PRKCH: variants seen among roughly 807,000 people sequenced by gnomAD.
PRKCH encodes the protein protein kinase C eta type.
PRKCH carries 28 observed loss-of-function variants against 82.5 expected under a neutral mutation model. That is an observed-to-expected ratio of 0.34 (90% CI 0.25 to 0.47). The LOEUF (loss-of-function observed/expected upper bound fraction) is 0.47, where lower values mean the gene tolerates loss of function less well. Ranked by LOEUF, PRKCH falls within the 20% of genes least tolerant of loss-of-function variation. The probability of loss-of-function intolerance (pLI) is 1.00; values close to 1 mark genes in which losing one functional copy is unlikely to be tolerated. For synonymous variants in PRKCH, 322 were observed against 327.4 expected (o/e 0.98, Z 0.18); for missense variants, 705 against 881.8 (o/e 0.80, Z 2.54).
rs149033552 is a variant in PRKCH, at chr14:61,210,824, G to A, written c.-19+23156G>A. On this transcript the variant is annotated intron_variant, in intron 1 of 3. Transcript: ENST00000555185. Reference sequence around the variant, plus strand: ...TGTGTGTGTGTGTGTGCGTGCACGCGTGCATTCCATATTGCCTGGGTTGAA... The same window carrying A: ...TGTGTGTGTGTGTGTGCGTGCACGCATGCATTCCATATTGCCTGGGTTGAA... Among the ~76,000 whole-genome samples, 63 of 151,714 alleles carry A rather than the reference G, an allele frequency of 4.2e-4. No individual in the cohort carries two copies. The East Asian group carries it at 0.012, about 28-fold the overall frequency.
intron 10 of PRKCH, 109 bp from the exon 11 acceptor site, chr14:61,528,966 G>T: frequency 9.3e-7 from 1 of 1,076,252 alleles, no homozygotes; most frequent in South Asian, 1.8e-5. Context: ...GGCCGCATGT[G>T]GCCGCACGTG....
intron 1 of PRKCH, among the ~76,000 whole-genome samples, chr14:61,312,733 A>G (rs992208622): frequency 1.3e-5 from 2 of 152,058 alleles, no homozygotes; most frequent in African/African-American, 2.4e-5. Flanking sequence ...ATTATTCACC[A>G]TCACAAGAAC....
intron 9 of PRKCH, among the ~76,000 whole-genome samples, chr14:61,468,592 A>G (rs1413606931): frequency 2.0e-5 from 3 of 152,200 alleles, no homozygotes; most frequent in Non-Finnish European, 4.4e-5. Context: ...GAGAACCTGA[A>G]GTTCAAGCTG....
At chr14:61,332,597 GA>G (rs2045804569) in intron 1 of PRKCH, among the ~76,000 whole-genome samples, 1 of 152,146 alleles carries the variant, frequency 6.6e-6, no homozygotes, top group Non-Finnish European at 1.5e-5. Flanking sequence ...AAAAAATTAA[GA>G]AATTTGCCAG....
intron 1 of PRKCH, among the ~76,000 whole-genome samples, chr14:61,370,495 C>T (rs183805866): frequency 6.6e-6 from 1 of 152,074 alleles, no homozygotes; most frequent in Admixed American, 6.5e-5. Flanking sequence ...AGGTTTAGCA[C>T]TGGGTAGAAA....
chr14:61,534,735 G>A (rs1594793204), intron 12 of PRKCH, among the ~76,000 whole-genome samples: 1 of 148,134 alleles, frequency 6.8e-6, no homozygotes, highest in South Asian at 2.1e-4. Context: ...AGAGATGAAG[G>A]GACTTTACAT....
At chr14:61,470,174 C>T (rs967617733) in intron 9 of PRKCH, among the ~76,000 whole-genome samples, 1 of 151,696 alleles carries the variant, frequency 6.6e-6, no homozygotes, top group African/African-American at 2.4e-5. Flanking sequence ...AGTGAGATTA[C>T]TGGGGGGAGG....
chr14:61,482,237 T>A (rs1364638322), intron 9 of PRKCH, among the ~76,000 whole-genome samples: 1 of 152,188 alleles, frequency 6.6e-6, no homozygotes, highest in Admixed American at 6.5e-5. Flanking sequence ...CCTCGAGTGA[T>A]CTGCCCGCCT....
chr14:61,549,598 A>C (rs922275377), intron 13 of PRKCH, 87 bp from the exon 14 acceptor site: 1 of 1,438,498 alleles, frequency 7.0e-7, no homozygotes, highest in Admixed American at 1.9e-5. Context: ...ACTCCTCTGA[A>C]CTCACTGGAA....
intron 2 of PRKCH, among the ~76,000 whole-genome samples, chr14:61,433,870 G>C (rs939377805): frequency 2.0e-5 from 3 of 152,164 alleles, no homozygotes; most frequent in African/African-American, 7.2e-5. Flanking sequence ...GATTTTCAGT[G>C]ATTATTGATG....
At chr14:61,399,828 A>G (rs1881501827) in intron 2 of PRKCH, among the ~76,000 whole-genome samples, 1 of 152,196 alleles carries the variant, frequency 6.6e-6, no homozygotes, top group African/African-American at 2.4e-5. Context: ...TTTTTGGGGA[A>G]GGAAAACTTC....
chr14:61,373,169 A>C (rs749775503), intron 1 of PRKCH, among the ~76,000 whole-genome samples: 1 of 151,974 alleles, frequency 6.6e-6, no homozygotes, highest in Non-Finnish European at 1.5e-5. Context: ...GTCTGTTCTC[A>C]CACTGCTATA....
chr14:61,449,082 G>A (rs551299721), intron 4 of PRKCH, 82 bp from the exon 5 acceptor site: 2 of 1,323,432 alleles, frequency 1.5e-6, no homozygotes, highest in South Asian at 2.4e-5. Context: ...TGTTGGCACG[G>A]TGCAGCCCTG....
At chr14:61,336,875 C>A (rs943264248) in intron 1 of PRKCH, among the ~76,000 whole-genome samples, 1 of 151,896 alleles carries the variant, frequency 6.6e-6, no homozygotes, top group Non-Finnish European at 1.5e-5. Context: ...TCGAGACCAA[C>A]CTAGCCAGCA....
chr14:61,331,386 G>C (rs2045785876), intron 1 of PRKCH, among the ~76,000 whole-genome samples: 2 of 152,140 alleles, frequency 1.3e-5, no homozygotes, highest in African/African-American at 4.8e-5. Flanking sequence ...TGGTATGGTG[G>C]TGTGCACCTG....
chr14:61,318,950 C>T (rs1312150102), upstream of PRKCH, among the ~76,000 whole-genome samples: 2 of 152,196 alleles, frequency 1.3e-5, no homozygotes, highest in African/African-American at 4.8e-5. Context: ...GCCTCAGCCT[C>T]CCAAAGTGTT....
intron 1 of PRKCH, among the ~76,000 whole-genome samples, chr14:61,276,425 G>T (rs1349074660): frequency 6.6e-6 from 1 of 151,038 alleles, no homozygotes; most frequent in African/African-American, 2.4e-5. Flanking sequence ...GCATGATCTC[G>T]GCTTACTGCA....
intron 1 of PRKCH, among the ~76,000 whole-genome samples, chr14:61,311,606 GC>G (rs2045524497): frequency 6.6e-6 from 1 of 152,190 alleles, no homozygotes; most frequent in Non-Finnish European, 1.5e-5. Context: ...CTACAGCAGT[GC>G]CCCACTCTTG....
At chr14:61,358,919 A>G (rs6573384) in intron 1 of PRKCH, among the ~76,000 whole-genome samples, 119,630 of 152,034 alleles carry the variant, frequency 0.79, 47,542 homozygotes, top group Non-Finnish European at 0.83. Flanking sequence ...CAGCTCAGCT[A>G]TCACCTCCTC....
Sources: gnomAD v4.1 joint callset for allele counts (sites outside exome capture counted in the v4.1 genomes callset) on GRCh38, gnomAD v4.1.1 for gene constraint, MANE v1.5 for transcripts, NCBI Gene and HGNC (gene_info 2026-07-23, HGNC 2026-07-21) for gene names.